The following ORC1 variants were observed in gnomAD, a reference collection of about 807,000 sequenced individuals.
The protein encoded by ORC1 is origin recognition complex, subunit 1 homolog.
A neutral mutation model predicts 98.9 loss-of-function variants in ORC1; 61 were observed. The observed-to-expected ratio is 0.62, with a 90% CI of 0.50 to 0.76. ORC1 has a LOEUF of 0.76. ORC1 is among the 30% of genes least tolerant of loss of function. ORC1 has a pLI of 0.00. For synonymous variants in ORC1, 385 were observed against 406.9 expected (o/e 0.95, Z 0.65); for missense variants, 979 against 1,072.2 (o/e 0.91, Z 1.21).
At position 52,401,775 on chromosome 1, in the gene ORC1, T is replaced by C. The variant is rs2147947911; in HGVS notation, c.96-286A>G. Among the ~76,000 whole-genome samples the C allele has an allele frequency of 2.0e-5, 3 of 152,348 alleles. No homozygotes were observed. In the South Asian group the frequency reaches 6.2e-4, roughly 32 times the overall value. On this transcript the variant is annotated intron_variant, in intron 2 of 16. Coordinates refer to ENST00000371568, the MANE Select transcript of ORC1 (RefSeq NM_004153.4). ...TCCCACAACAAATGTTTCCCAAGGC[T>C]GTCAAGCTGCCCAGTAACAATGTCA...
At position 52,381,778 on chromosome 1, in the gene ORC1, A is replaced by T; in HGVS notation, c.2014-17T>A. 6.2e-7 allele frequency: 1 copy of T among 1,611,664 alleles called. No individual in the cohort carries two copies. The highest frequency in any genetic ancestry group is 8.5e-7 in the Non-Finnish European group (1 of 1,178,528). Reference sequence around the variant, plus strand: ...GGTAAGACCCTGGGGAGCCAAAATGACAGAGGAATAAGTTGGTTGACTGCC... The same window carrying T: ...GGTAAGACCCTGGGGAGCCAAAATGTCAGAGGAATAAGTTGGTTGACTGCC... On this transcript the variant is annotated splice_polypyrimidine_tract_variant and intron_variant, in intron 13 of 16. Coordinates refer to ENST00000371568, the MANE Select transcript of ORC1 (RefSeq NM_004153.4).
rs1221288858 is a variant in ORC1, at chr1:52,396,239, C to A, written c.528G>T (p.Leu176Phe). Residue 176 changes from leucine to phenylalanine, a missense_variant, in exon 5 of 17, where the codon TTG becomes TTT. Leu to Phe is a conservative substitution (Grantham distance 22). Coordinates refer to ENST00000371568, the MANE Select transcript of ORC1 (RefSeq NM_004153.4). ...RPLSSELFAE[L>F]NKPQESAAKC... ...TGGCTGCACTCTCTTGTGGTTTATT[C>A]AACTCCGCAAATAGTTCTGAGGAAA... is the stretch of plus-strand genomic sequence containing the variant. 6.2e-7 allele frequency: 1 copy of A among 1,614,210 alleles called. No homozygotes were observed. Among genetic ancestry groups the A allele is most frequent in the South Asian group, 1.1e-5 (1 of 91,086 alleles).
At chr1:52,394,004 T>G (rs930845004) in intron 5 of ORC1, among the ~76,000 whole-genome samples, 4 of 152,272 alleles carry the variant, frequency 2.6e-5, no homozygotes, top group Non-Finnish European at 5.9e-5. Flanking sequence ...GTGATTTTCC[T>G]AGTTAGAACC....
chr1:52,384,489 T>C, intron 11 of ORC1, 61 bp downstream of exon 11: 1 of 1,467,024 alleles, frequency 6.8e-7, no homozygotes, highest in South Asian at 1.1e-5. Context: ...AGTAACTCTT[T>C]CCTTTTTCAT....
At chr1:52,395,788 C>T (rs1488473640) in intron 5 of ORC1, among the ~76,000 whole-genome samples, 1 of 152,110 alleles carries the variant, frequency 6.6e-6, no homozygotes, top group Non-Finnish European at 1.5e-5. Context: ...TGCATTCCAA[C>T]CTGGGTGACA....
chr1:52,377,159 A>G (rs1331508948), intron 14 of ORC1, among the ~76,000 whole-genome samples: 1 of 152,126 alleles, frequency 6.6e-6, no homozygotes, highest in African/African-American at 2.4e-5. Flanking sequence ...AATAGCTGAG[A>G]TTAAAGGCAT....
chr1:52,387,403 G>C (rs1344425135), intron 8 of ORC1, among the ~76,000 whole-genome samples: 1 of 152,136 alleles, frequency 6.6e-6, no homozygotes, highest in East Asian at 1.9e-4. Flanking sequence ...CACGAAGGGG[G>C]TCCCTGGTGC....
At chr1:52,379,405 G>C (rs1034655997) in intron 14 of ORC1, among the ~76,000 whole-genome samples, 1 of 151,280 alleles carries the variant, frequency 6.6e-6, no homozygotes, top group Non-Finnish European at 1.5e-5. Context: ...CACCACGCCC[G>C]GCTAATTTTT....
upstream of ORC1, among the ~76,000 whole-genome samples, chr1:52,406,744 T>C (rs1351256339): frequency 2.0e-5 from 3 of 152,232 alleles, no homozygotes; most frequent in East Asian, 5.8e-4. Context: ...TTATGTGCCA[T>C]GCTGTAAGGG....
intron 3 of ORC1, among the ~76,000 whole-genome samples, chr1:52,398,543 C>T (rs1647535727): frequency 6.6e-6 from 1 of 152,066 alleles, no homozygotes; most frequent in Non-Finnish European, 1.5e-5. Context: ...GGATTACAGG[C>T]ATGAGCCACC....
At chr1:52,374,067 T>TG (rs1646966222) in intron 16 of ORC1, among the ~76,000 whole-genome samples, 3 of 152,164 alleles carry the variant, frequency 2.0e-5, no homozygotes, top group African/African-American at 7.2e-5. Context: ...CAAATCAGCT[T>TG]GGGGTTCAAG....
intron 14 of ORC1, among the ~76,000 whole-genome samples, chr1:52,379,874 G>A (rs932251752): frequency 1.3e-5 from 2 of 151,962 alleles, no homozygotes; most frequent in African/African-American, 4.8e-5. Context: ...TGGAGGTTGC[G>A]GTAAGCCGAA....
At chr1:52,388,363 A>C (rs1006737509) in intron 8 of ORC1, 79 bp downstream of exon 8, 11 of 1,139,240 alleles carry the variant, frequency 9.7e-6, no homozygotes, top group Admixed American at 3.4e-5. Context: ...AGCTGTTACT[A>C]ATCTGTGACT....
intron 8 of ORC1, among the ~76,000 whole-genome samples, chr1:52,387,127 A>G (rs1647152597): frequency 6.6e-6 from 1 of 152,128 alleles, no homozygotes; most frequent in South Asian, 2.1e-4. Flanking sequence ...AGGAGACACA[A>G]TCAAACCAGA....
chr1:52,375,630 C>T (rs1228659422), intron 14 of ORC1, 31 bp from the exon 15 acceptor site: 3 of 1,607,556 alleles, frequency 1.9e-6, no homozygotes, highest in Non-Finnish European at 1.7e-6. Context: ...TTCCTGAGGC[C>T]ACCTTAGCCC....
At chr1:52,400,680 T>G (rs1569959620) in intron 3 of ORC1, among the ~76,000 whole-genome samples, 1 of 152,216 alleles carries the variant, frequency 6.6e-6, no homozygotes, top group East Asian at 1.9e-4. Context: ...CCCACATTTC[T>G]GTGCTCTCCT....
chr1:52,408,899 G>T, upstream of ORC1: 1 of 481,734 alleles, frequency 2.1e-6, no homozygotes, highest in Non-Finnish European at 3.6e-6. Flanking sequence ...GCCTCTGTCT[G>T]TCTCCCTTTC....
At chr1:52,384,044 A>G (rs1647108952) in intron 11 of ORC1, 107 bp from the exon 12 acceptor site, 6 of 860,786 alleles carry the variant, frequency 7.0e-6, no homozygotes, top group Non-Finnish European at 1.2e-5. Context: ...GGACTTCGGT[A>G]TCCTATATTC....
upstream of ORC1, chr1:52,404,634 C>T: frequency 3.4e-6 from 4 of 1,189,100 alleles, no homozygotes; most frequent in Non-Finnish European, 4.7e-6. Flanking sequence ...AAGATGGTCG[C>T]CTAAGCTGTT....
Sources: allele counts gnomAD v4.1 joint callset (sites outside exome capture counted in the v4.1 genomes callset), GRCh38; gene constraint gnomAD v4.1.1; transcripts MANE v1.5; gene names NCBI Gene and HGNC (gene_info 2026-07-23, HGNC 2026-07-21).